FAF1: variants seen among roughly 807,000 people sequenced by gnomAD.
FAF1 encodes Fas associated factor 1.
In FAF1, 25 loss-of-function variants were observed where a neutral mutation model predicts 92.5. The observed-to-expected ratio is 0.27, with a 90% CI of 0.20 to 0.38. The LOEUF is 0.38. Among genes scored for constraint, FAF1 ranks in the 10% least tolerant of loss-of-function variants. The pLI, the probability that FAF1 is intolerant of heterozygous loss-of-function variation, is 1.00. For synonymous variants in FAF1, 234 were observed against 273.2 expected (o/e 0.86, Z 1.42); for missense variants, 636 against 793.3 (o/e 0.80, Z 2.38).
chr1:50,694,966 A>C (rs1040409507), intron 7 of FAF1, among the ~76,000 whole-genome samples: 2 of 152,116 alleles, frequency 1.3e-5, no homozygotes, highest in Admixed American at 1.3e-4. Flanking sequence ...TCTCAAAAAA[A>C]AAATTATGGC....
intron 12 of FAF1, among the ~76,000 whole-genome samples, chr1:50,578,766 A>G (rs1650864509): frequency 6.6e-6 from 1 of 151,734 alleles, no homozygotes; most frequent in Admixed American, 6.6e-5. Context: ...GTAACATTAC[A>G]ATTACTATAC....
intron 1 of FAF1, among the ~76,000 whole-genome samples, chr1:50,906,829 G>A (rs756981527): frequency 4.6e-5 from 7 of 152,096 alleles, no homozygotes; most frequent in Non-Finnish European, 1.0e-4. Context: ...CTGCAAACAG[G>A]GACAATCTGA....
At chr1:50,592,900 T>C (rs1481239615) in intron 9 of FAF1, among the ~76,000 whole-genome samples, 1 of 150,078 alleles carries the variant, frequency 6.7e-6, no homozygotes, top group African/African-American at 2.5e-5. Flanking sequence ...ATTGTGCCAC[T>C]GTACTTCAGC....
chr1:50,638,776 A>G (rs759912096), intron 8 of FAF1, among the ~76,000 whole-genome samples: 2 of 152,154 alleles, frequency 1.3e-5, no homozygotes, highest in Admixed American at 6.5e-5. Flanking sequence ...TCCTTCTATC[A>G]GGCTGGGGAA....
intron 2 of FAF1, among the ~76,000 whole-genome samples, chr1:50,833,473 C>T (rs1181984059): frequency 6.6e-6 from 1 of 152,154 alleles, no homozygotes; most frequent in Non-Finnish European, 1.5e-5. Flanking sequence ...CACCTCACTG[C>T]ATTCACCAAT....
At chr1:50,902,437 A>C (rs2124710889) in intron 1 of FAF1, among the ~76,000 whole-genome samples, 2 of 152,352 alleles carry the variant, frequency 1.3e-5, no homozygotes, top group Non-Finnish European at 2.9e-5. Context: ...ACTGGGTTAA[A>C]TGAAATGTAT....
intron 3 of FAF1, among the ~76,000 whole-genome samples, chr1:50,794,208 G>A (rs192642285): frequency 2.4e-4 from 36 of 152,296 alleles, no homozygotes; most frequent in African/African-American, 7.9e-4. Flanking sequence ...AGCACATGAA[G>A]GTGAAAGCTG....
At chr1:50,779,866 T>C (rs1450675577) in intron 4 of FAF1, among the ~76,000 whole-genome samples, 1 of 151,796 alleles carries the variant, frequency 6.6e-6, no homozygotes, top group Non-Finnish European at 1.5e-5. Flanking sequence ...AAGGATCACT[T>C]GAACCAGGGA....
intron 1 of FAF1, among the ~76,000 whole-genome samples, chr1:50,918,447 G>C (rs1453630776): frequency 1.5e-5 from 1 of 68,168 alleles, no homozygotes; most frequent in East Asian, 3.9e-4. Flanking sequence ...GCGGTGTTTG[G>C]TTTTTTGTTC....
At chr1:50,515,343 G>T (rs1647203616) in intron 15 of FAF1, among the ~76,000 whole-genome samples, 1 of 152,094 alleles carries the variant, frequency 6.6e-6, no homozygotes, top group Non-Finnish European at 1.5e-5. Context: ...ATCAGGTTTT[G>T]TATGTATTCT....
chr1:50,867,372 A>C (rs1644489943), intron 1 of FAF1, among the ~76,000 whole-genome samples: 1 of 152,232 alleles, frequency 6.6e-6, no homozygotes, highest in African/African-American at 2.4e-5. Context: ...GCACAGGAAA[A>C]GAAACAATCA....
At position 50,679,413 on chromosome 1, in the gene FAF1, T is replaced by C. The variant is rs74080045; in HGVS notation, c.658-23885A>G. On this transcript the variant is annotated intron_variant, in intron 7 of 18. Coordinates refer to ENST00000396153, the MANE Select transcript of FAF1 (RefSeq NM_007051.3). Reference sequence around the variant, plus strand: ...ATTAACACACTCCTCAGTAACCCTATTAAATAGATGGCATTATTTCTACTT... The same window carrying C: ...ATTAACACACTCCTCAGTAACCCTACTAAATAGATGGCATTATTTCTACTT... Among the ~76,000 whole-genome samples the C allele has an allele frequency of 7.6e-3, 1,149 of 151,516 alleles. 13 individuals are homozygous for C. The highest frequency in any genetic ancestry group is 0.027 in the African/African-American group (1,111 of 41,268).
chr1:50,698,145 TTG>T lies in FAF1; in HGVS notation c.657+7639_657+7640del, dbSNP rs147009094. Among the ~76,000 whole-genome samples the T allele has an allele frequency of 4.4e-3, 674 of 151,694 alleles. 46 individuals carry two copies. The East Asian group carries it at 0.11, about 26-fold the overall frequency. On this transcript the variant is annotated intron_variant, in intron 7 of 18. Transcript: ENST00000396153. ...CTTACCCATCCTTTGGTTTAATTTC[TTG>T]TGTGTGTGTGTGTGTTTGTTTTACA... is the stretch of plus-strand genomic sequence containing the variant.
At chr1:50,603,878 A>C (rs1488955992) in intron 8 of FAF1, among the ~76,000 whole-genome samples, 2 of 152,204 alleles carry the variant, frequency 1.3e-5, no homozygotes, top group Non-Finnish European at 2.9e-5. Context: ...AGACATGTGC[A>C]GGTCAAGATC....
intron 15 of FAF1, among the ~76,000 whole-genome samples, chr1:50,532,635 A>C (rs1298105272): frequency 1.3e-5 from 2 of 152,208 alleles, no homozygotes; most frequent in Non-Finnish European, 2.9e-5. Flanking sequence ...CCTTTCCTTC[A>C]GAGTAAATGA....
At chr1:50,839,314 TCA>T (rs1644237985) in intron 2 of FAF1, among the ~76,000 whole-genome samples, 2 of 152,140 alleles carry the variant, frequency 1.3e-5, no homozygotes, top group Non-Finnish European at 2.9e-5. Context: ...AAGCAAATGG[TCA>T]CACACTCCAA....
chr1:50,875,699 C>A (rs1472499322), intron 1 of FAF1, among the ~76,000 whole-genome samples: 1 of 152,158 alleles, frequency 6.6e-6, no homozygotes, highest in African/African-American at 2.4e-5. Context: ...GATCCACCCC[C>A]CTCGGCCTTC....
chr1:50,576,295 C>T (rs1650730344), intron 12 of FAF1, among the ~76,000 whole-genome samples: 1 of 152,130 alleles, frequency 6.6e-6, no homozygotes, highest in Non-Finnish European at 1.5e-5. Flanking sequence ...TTTAGGGCCA[C>T]AGAGCTACTA....
intron 1 of FAF1, among the ~76,000 whole-genome samples, chr1:50,921,539 A>G (rs1313152354): frequency 6.6e-6 from 1 of 152,172 alleles, no homozygotes; most frequent in Non-Finnish European, 1.5e-5. Flanking sequence ...ACAAGCGCAG[A>G]TCATTTGAGC....
Sources: gnomAD v4.1 joint callset for allele counts (sites outside exome capture counted in the v4.1 genomes callset) on GRCh38, gnomAD v4.1.1 for gene constraint, MANE v1.5 for transcripts, NCBI Gene and HGNC (gene_info 2026-07-23, HGNC 2026-07-21) for gene names.